RPA1: variants seen among roughly 807,000 people sequenced by gnomAD.
RPA1 encodes the protein replication protein A1.
RPA1 carries 49 observed loss-of-function variants against 83.0 expected under a neutral mutation model. The observed-to-expected ratio is 0.59, with a 90% confidence interval of 0.47 to 0.75. RPA1 has a LOEUF of 0.75. Ranked by LOEUF, RPA1 falls within the 30% of genes least tolerant of loss-of-function variation. The pLI, the probability that RPA1 is intolerant of heterozygous loss-of-function variation, is 0.00. For synonymous variants in RPA1, 279 were observed against 281.8 expected (o/e 0.99, Z 0.10); for missense variants, 693 against 776.1 (o/e 0.89, Z 1.27).
intron 14 of RPA1, among the ~76,000 whole-genome samples, chr17:1,890,975 C>T (rs1914182058): frequency 6.6e-6 from 1 of 152,150 alleles, no homozygotes; most frequent in Admixed American, 6.5e-5. Context: ...GGGTGTGATA[C>T]CGTTGCTGTG....
At chr17:1,857,232 ATGTGGGGATTTTCTC>A (rs1418209027) in intron 5 of RPA1, among the ~76,000 whole-genome samples, 1 of 145,626 alleles carries the variant, frequency 6.9e-6, no homozygotes, top group Non-Finnish European at 1.5e-5. Flanking sequence ...TAGTTTTTAA[ATGTGGGGATTTTCTC>A]TTTTTTTCTT....
Position 1,843,696 on chromosome 17 carries a change from G to A in RPA1, c.85-224G>A, listed in dbSNP as rs572760189. Among the ~76,000 whole-genome samples the A allele has an allele frequency of 3.3e-5, 5 of 151,364 alleles. No individual in the cohort carries two copies. In the East Asian group the frequency reaches 5.8e-4, roughly 18 times the overall value. On this transcript the variant is annotated intron_variant, in intron 2 of 16. Coordinates refer to ENST00000254719, the MANE Select transcript of RPA1 (RefSeq NM_002945.5). ...GGGTGAGAACACAAGAGTATAGGCA[G>A]CTCGTTTTACTTCCCTCTCTGTTGT...
At chr17:1,897,041 T>C (rs2151294383) in intron 16 of RPA1, 30 bp from the exon 17 acceptor site, 1 of 1,542,152 alleles carries the variant, frequency 6.5e-7, no homozygotes, top group Non-Finnish European at 8.8e-7. Flanking sequence ...ACACTTTCAC[T>C]GCTCACAAAC....
At chr17:1,832,468 C>T (rs920924959) in intron 1 of RPA1, among the ~76,000 whole-genome samples, 1 of 151,994 alleles carries the variant, frequency 6.6e-6, no homozygotes, top group Non-Finnish European at 1.5e-5. Flanking sequence ...CTCACTGCAA[C>T]CTCCGCCTCC....
intron 15 of RPA1, 61 bp downstream of exon 15, chr17:1,892,001 G>A: frequency 8.5e-7 from 1 of 1,175,730 alleles, no homozygotes; most frequent in Non-Finnish European, 1.2e-6. Context: ...CTATAACACT[G>A]ACCCCACACA....
chr17:1,887,804 A>T (rs555941254), intron 13 of RPA1, among the ~76,000 whole-genome samples: 12 of 151,906 alleles, frequency 7.9e-5, no homozygotes, highest in African/African-American at 2.9e-4. Flanking sequence ...CAGGAGAATC[A>T]CTTGAACCTG....
At chr17:1,869,136 T>C (rs1007154086) in intron 5 of RPA1, among the ~76,000 whole-genome samples, 1 of 152,236 alleles carries the variant, frequency 6.6e-6, no homozygotes, top group Admixed American at 6.5e-5. Flanking sequence ...TATTCTCCAT[T>C]GTCTGTTTAG....
Position 1,875,722 on chromosome 17 carries a change from C to T in RPA1, c.516C>T (p.Ser172=), listed in dbSNP as rs1442537838. The part of the protein sequence containing the change: ...SKTFGKAAGP[S]LSHTSGGTQS... ...CATTTGGAAAAGCTGCAGGTCCCAG[C>T]CTGTCACACACTTCTGGGGGAACAC... Residue 172 remains serine, a synonymous_variant, in exon 7 of 17, where the codon AGC becomes AGT. Transcript: ENST00000254719. 6.2e-7 allele frequency: 1 copy of T among 1,614,060 alleles called. No homozygotes were observed. Among genetic ancestry groups the T allele is most frequent in the Non-Finnish European group, 8.5e-7 (1 of 1,180,036 alleles).
intron 5 of RPA1, among the ~76,000 whole-genome samples, chr17:1,857,267 C>CTTTTTT (rs35514214): frequency 2.2e-5 from 3 of 134,834 alleles, no homozygotes; most frequent in Non-Finnish European, 3.2e-5. Flanking sequence ...TTTTCTTTTT[C>CTTTTTT]TTTTTTTTTT....
chr17:1,873,844 T>G (rs1913468438), intron 6 of RPA1, among the ~76,000 whole-genome samples: 1 of 151,294 alleles, frequency 6.6e-6, no homozygotes, highest in Non-Finnish European at 1.5e-5. Flanking sequence ...AGTACAAAAA[T>G]TAATCGGGCA....
chr17:1,864,930 C>T (rs1479098618), intron 5 of RPA1, among the ~76,000 whole-genome samples: 4 of 152,030 alleles, frequency 2.6e-5, no homozygotes, highest in South Asian at 2.1e-4. Flanking sequence ...ATTAGTTGGG[C>T]GTGGTGGTTC....
Position 1,879,682 on chromosome 17 carries a change from A to G in RPA1, c.1075A>G (p.Thr359Ala). 1.2e-6 allele frequency: 2 copies of G among 1,614,216 alleles called. No individual in the cohort carries two copies. The highest frequency in any genetic ancestry group is 1.1e-5 in the South Asian group (1 of 91,088). Residue 359 changes from threonine to alanine, a missense_variant, in exon 11 of 17, where the codon ACA (threonine) becomes GCA (alanine). Physicochemically the swap from Thr to Ala is moderately conservative, Grantham distance 58 (BLOSUM62 0). Coordinates refer to ENST00000254719, the MANE Select transcript of RPA1 (RefSeq NM_002945.5). ...MDTSGKVVTA[T>A]LWGEDADKFD... The stretch of plus-strand genomic sequence containing the variant: ...CACATCCGGGAAGGTGGTGACTGCT[A>G]CACTGTGGGGGGAAGATGTAAGTGC...
At chr17:1,843,091 T>C (rs1183036755) in intron 2 of RPA1, among the ~76,000 whole-genome samples, 1 of 152,038 alleles carries the variant, frequency 6.6e-6, no homozygotes, top group South Asian at 2.1e-4. Context: ...TTTGCCTCTC[T>C]CTTCCTCCCC....
At chr17:1,849,901 G>C (rs1912419541) in intron 4 of RPA1, among the ~76,000 whole-genome samples, 1 of 152,156 alleles carries the variant, frequency 6.6e-6, no homozygotes, top group Admixed American at 6.5e-5. Context: ...GCTGGACGTG[G>C]TGGCTCATGC....
intron 4 of RPA1, among the ~76,000 whole-genome samples, chr17:1,850,916 T>C (rs1032420490): frequency 1.3e-5 from 2 of 152,170 alleles, no homozygotes; most frequent in African/African-American, 4.8e-5. Context: ...AAGAATTATC[T>C]TAGCTTGCTA....
chr17:1,874,205 T>C (rs1379484195), intron 6 of RPA1, among the ~76,000 whole-genome samples: 2 of 151,770 alleles, frequency 1.3e-5, no homozygotes, highest in Admixed American at 6.6e-5. Context: ...TATGTTAAAA[T>C]ATATTTTTAA....
intron 15 of RPA1, among the ~76,000 whole-genome samples, chr17:1,894,579 G>A (rs1914325819): frequency 2.0e-5 from 3 of 152,146 alleles, no homozygotes; most frequent in Non-Finnish European, 4.4e-5. Flanking sequence ...AGTGGCGTTA[G>A]GTACATTCAC....
intron 5 of RPA1, among the ~76,000 whole-genome samples, chr17:1,861,766 C>T (rs1912980554): frequency 6.6e-6 from 1 of 152,112 alleles, no homozygotes; most frequent in East Asian, 1.9e-4. Context: ...CACTGTCACC[C>T]AGGCTGGAGT....
At position 1,830,114 on chromosome 17, in the gene RPA1, G is replaced by A; in HGVS notation, c.21G>A (p.Glu7=). 8.0e-7 allele frequency: 1 copy of A among 1,247,818 alleles called. No individual in the cohort carries two copies. The highest frequency in any genetic ancestry group is 1.0e-6 in the Non-Finnish European group (1 of 987,524). 77.3% of individuals were successfully genotyped at this position (1,247,818 alleles called of 1,614,324 possible). Residue 7 remains glutamate, a synonymous_variant, in exon 1 of 17, where the codon GAG becomes GAA. Transcript: ENST00000254719. ...GAGCCATGGTCGGCCAACTGAGCGA[G>A]GGGGCCATTGCGGTGAGGAGGTGCC... MVGQLS[E]GAIAAIMQKG... is the part of the protein sequence containing the mutation.
Sources: gnomAD v4.1 joint callset for allele counts (sites outside exome capture counted in the v4.1 genomes callset) on GRCh38, gnomAD v4.1.1 for gene constraint, MANE v1.5 for transcripts, NCBI Gene and HGNC (gene_info 2026-07-23, HGNC 2026-07-21) for gene names.